Variants in L3MBTL4 observed in about 807,000 individuals in gnomAD.
L3MBTL4 encodes lethal(3)malignant brain tumor-like protein 4.
A neutral mutation model predicts 84.5 loss-of-function variants in L3MBTL4; 70 were observed. The ratio of observed to expected loss-of-function variants is 0.83; its 90% confidence interval spans 0.68 to 1.01. The LOEUF is 1.01. L3MBTL4 is among the 50% of genes least tolerant of loss of function. The pLI, the probability that L3MBTL4 is intolerant of heterozygous loss-of-function variation, is 0.00. For synonymous variants in L3MBTL4, 274 were observed against 259.8 expected, an observed-to-expected ratio of 1.05 and a Z score of -0.52; for missense variants, 715 against 754.8, an observed-to-expected ratio of 0.95 and a Z score of 0.62.
intron 12 of L3MBTL4, among the ~76,000 whole-genome samples, chr18:6,198,595 C>T (rs1387902242): frequency 6.6e-6 from 1 of 152,166 alleles, no homozygotes; most frequent in African/African-American, 2.4e-5. Flanking sequence ...AAGCCACCTG[C>T]TTTAAGCTTC....
chr18:6,294,205 T>A (rs1329794754), intron 4 of L3MBTL4, among the ~76,000 whole-genome samples: 1 of 152,188 alleles, frequency 6.6e-6, no homozygotes, highest in African/African-American at 2.4e-5. Context: ...GCCTTTTTTA[T>A]AAGTTTGATA....
intron 3 of L3MBTL4, among the ~76,000 whole-genome samples, chr18:6,303,132 T>C (rs901491791): frequency 6.6e-6 from 1 of 152,134 alleles, no homozygotes; most frequent in African/African-American, 2.4e-5. Context: ...TGGGGTTTTT[T>C]TGTCTGTTTT....
intron 10 of L3MBTL4, among the ~76,000 whole-genome samples, chr18:6,223,151 A>G (rs573361267): frequency 4.9e-4 from 74 of 152,166 alleles, no homozygotes; most frequent in Non-Finnish European, 9.3e-4. Context: ...TTATTTCTAC[A>G]AAGTACATTT....
intron 12 of L3MBTL4, among the ~76,000 whole-genome samples, chr18:6,190,614 A>C (rs2145502763): frequency 6.6e-6 from 1 of 152,342 alleles, no homozygotes; most frequent in Admixed American, 6.5e-5. Context: ...TATTTTAGGC[A>C]CCAGGGATAT....
intron 12 of L3MBTL4, among the ~76,000 whole-genome samples, chr18:6,199,808 G>A (rs1020439390): frequency 2.6e-5 from 4 of 152,172 alleles, no homozygotes; most frequent in African/African-American, 9.7e-5. Flanking sequence ...ACACAAAGAA[G>A]TAATGTTGTA....
intron 12 of L3MBTL4, among the ~76,000 whole-genome samples, chr18:6,196,960 A>T (rs2145599807): frequency 6.6e-6 from 1 of 152,312 alleles, no homozygotes; most frequent in African/African-American, 2.4e-5. Flanking sequence ...TCCTTAAACA[A>T]TTCCTCCATA....
At chr18:6,272,197 G>C (rs1233490058) in intron 4 of L3MBTL4, among the ~76,000 whole-genome samples, 1 of 152,206 alleles carries the variant, frequency 6.6e-6, no homozygotes, top group African/African-American at 2.4e-5. Context: ...AGAACAGACA[G>C]GTAGCATTGG....
At chr18:6,304,456 T>C (rs1390007986) in intron 3 of L3MBTL4, among the ~76,000 whole-genome samples, 1 of 152,248 alleles carries the variant, frequency 6.6e-6, no homozygotes, top group African/African-American at 2.4e-5. Flanking sequence ...TTAACATGCA[T>C]TTGAATCATC....
chr18:6,323,607 A>G (rs1270124266), intron 1 of L3MBTL4, among the ~76,000 whole-genome samples: 1 of 152,226 alleles, frequency 6.6e-6, no homozygotes, highest in Non-Finnish European at 1.5e-5. Flanking sequence ...TCTGGTGGAA[A>G]AAGTTCCTAA....
chr18:5,956,664 T>C (rs776475538), intron 18 of L3MBTL4, among the ~76,000 whole-genome samples: 25 of 152,232 alleles, frequency 1.6e-4, no homozygotes, highest in Non-Finnish European at 3.1e-4. Context: ...GCTACATTTC[T>C]ATTGTTGTCT....
chr18:6,135,617 T>TA lies in L3MBTL4; in HGVS notation c.1199+2576dup, dbSNP rs1338618358. Among the ~76,000 whole-genome samples the TA allele has an allele frequency of 2.0e-5, 3 of 150,540 alleles. No individual in the cohort carries two copies. The East Asian group carries it at 5.8e-4, about 29-fold the overall frequency. Reference sequence around the variant, plus strand: ...GGCAAGATGCTGCCAGTCTCTTTGCTAAAACATAACAAGAGTCACCTTTGC... The same window carrying TA: ...GGCAAGATGCTGCCAGTCTCTTTGCTAAAAACATAACAAGAGTCACCTTTGC... On this transcript the variant is annotated intron_variant, in intron 14 of 18. Transcript: ENST00000317931.
Position 6,369,597 on chromosome 18 carries a change from G to A in L3MBTL4, c.-91+45204C>T, listed in dbSNP as rs999093706. ...ATACACGGAAGGCAATTTCTCATGAGGAATAAGAGGAAATCATGTTGCCCA... is the reference window on the plus strand; with the variant it reads ...ATACACGGAAGGCAATTTCTCATGAAGAATAAGAGGAAATCATGTTGCCCA... On this transcript the variant is annotated intron_variant, in intron 1 of 18. Transcript: ENST00000317931. 5.3e-5 allele frequency among the ~76,000 whole-genome samples: 8 copies of A among 152,126 alleles called. No individual in the cohort carries two copies. In the South Asian group the frequency reaches 1.0e-3, roughly 20 times the overall value.
intron 1 of L3MBTL4, among the ~76,000 whole-genome samples, chr18:6,347,624 TA>T (rs988807569): frequency 1.7e-4 from 25 of 148,350 alleles, no homozygotes; most frequent in African/African-American, 3.2e-4. Flanking sequence ...CATAACTTTT[TA>T]AAAAAAAAAC....
At chr18:6,311,703 C>A in intron 2 of L3MBTL4, 47 bp from the exon 3 acceptor site, 1 of 1,060,378 alleles carries the variant, frequency 9.4e-7, no homozygotes, top group Non-Finnish European at 1.5e-6. Flanking sequence ...GGTGTGACCC[C>A]TTCAGAATTA....
intron 13 of L3MBTL4, among the ~76,000 whole-genome samples, chr18:6,159,450 C>G (rs2043230170): frequency 6.6e-6 from 1 of 152,222 alleles, no homozygotes. Context: ...AGGATTCCAT[C>G]AGTTTCATAT....
intron 16 of L3MBTL4, among the ~76,000 whole-genome samples, chr18:6,016,213 C>T (rs2054970266): frequency 2.0e-5 from 3 of 152,020 alleles, no homozygotes; most frequent in African/African-American, 4.8e-5. Flanking sequence ...AGGACTCTTC[C>T]GGGGGAGCAG....
At chr18:6,118,993 C>CTTTTTTTTTTTTTTTTT (rs779523685) in intron 14 of L3MBTL4, among the ~76,000 whole-genome samples, 5 of 83,712 alleles carry the variant, frequency 6.0e-5, no homozygotes, top group East Asian at 4.1e-4. Flanking sequence ...TTTTTGGTTT[C>CTTTTTTTTTTTTTTTTT]TTTTTTTTTT....
intron 16 of L3MBTL4, among the ~76,000 whole-genome samples, chr18:6,036,836 A>C (rs1836713701): frequency 6.6e-6 from 1 of 152,154 alleles, no homozygotes; most frequent in African/African-American, 2.4e-5. Context: ...TGAGGTATAA[A>C]CATAAGGTCT....
intron 14 of L3MBTL4, among the ~76,000 whole-genome samples, chr18:6,125,254 AC>A (rs1200611850): frequency 5.9e-5 from 9 of 152,328 alleles, no homozygotes; most frequent in African/African-American, 1.9e-4. Flanking sequence ...TAGCAAGAAC[AC>A]AACAAAAGAA....
Sources: gnomAD v4.1 joint callset for allele counts (sites outside exome capture counted in the v4.1 genomes callset) on GRCh38, gnomAD v4.1.1 for gene constraint, MANE v1.5 for transcripts, NCBI Gene and HGNC (gene_info 2026-07-23, HGNC 2026-07-21) for gene names.